The following TLK1 variants were observed in gnomAD, a reference collection of about 807,000 sequenced individuals.
TLK1 encodes tousled like kinase 1, also known as serine/threonine-protein kinase tousled-like 1.
A neutral mutation model predicts 105.3 loss-of-function variants in TLK1; 24 were observed. The observed-to-expected ratio is 0.23, with a 90% CI of 0.17 to 0.32. The LOEUF (loss-of-function observed/expected upper bound fraction) is 0.32. TLK1 is among the 10% of genes least tolerant of loss of function. TLK1 has a pLI of 1.00. For missense variants in TLK1, 558 were observed against 910.5 expected (o/e 0.61, Z 4.98); for synonymous variants, 321 against 310.4 (o/e 1.03, Z -0.36).
At chr2:171,017,683 A>G (rs1168881763) in intron 12 of TLK1, among the ~76,000 whole-genome samples, 7 of 152,228 alleles carry the variant, frequency 4.6e-5, no homozygotes, top group Admixed American at 4.6e-4. Flanking sequence ...CTCTAAAAAC[A>G]TGACAAATAT....
At chr2:171,165,993 A>G (rs1692602716) in intron 1 of TLK1, among the ~76,000 whole-genome samples, 1 of 151,864 alleles carries the variant, frequency 6.6e-6, no homozygotes, top group Non-Finnish European at 1.5e-5. Flanking sequence ...GCCTGTTCAT[A>G]ATGTCCTGGG....
chr2:171,156,265 C>A (rs1692229268), intron 1 of TLK1, among the ~76,000 whole-genome samples: 1 of 152,110 alleles, frequency 6.6e-6, no homozygotes, highest in Admixed American at 6.6e-5. Context: ...CCAAGTAAGC[C>A]AGAAATCAAG....
intron 12 of TLK1, among the ~76,000 whole-genome samples, chr2:171,020,479 G>T (rs557322570): frequency 6.6e-6 from 1 of 151,608 alleles, no homozygotes; most frequent in Non-Finnish European, 1.5e-5. Context: ...GTCGGAGGTT[G>T]CAGTGGGCCC....
intron 12 of TLK1, among the ~76,000 whole-genome samples, chr2:171,024,196 C>A (rs888382137): frequency 2.0e-5 from 3 of 152,106 alleles, no homozygotes; most frequent in Admixed American, 6.5e-5. Flanking sequence ...AGTCTCCATA[C>A]ATTTTACTAT....
intron 6 of TLK1, 31 bp from the exon 7 acceptor site, chr2:171,055,203 C>CAAAAAAAA (rs71399594): frequency 5.0e-5 from 26 of 518,282 alleles, no homozygotes; most frequent in Non-Finnish European, 6.0e-5. Flanking sequence ...TTTATATTAG[C>CAAAAAAAA]AAAAAAAAAA....
chr2:171,104,658 T>C (rs150546761), intron 2 of TLK1, among the ~76,000 whole-genome samples: 2 of 151,966 alleles, frequency 1.3e-5, no homozygotes, highest in Non-Finnish European at 2.9e-5. Flanking sequence ...CAAAATACAC[T>C]ACAATGTTCA....
Position 170,993,679 on chromosome 2 carries a change from A to AAG in TLK1, c.*100_*101insCT. The AAG allele has an allele frequency of 2.2e-6, 2 of 921,808 alleles. No individual in the cohort carries two copies. The highest frequency in any genetic ancestry group is 6.5e-5 in the South Asian group (2 of 30,772). 57.1% of individuals were successfully genotyped at this position (921,808 alleles called of 1,614,324 possible). ...AACCACGTCTTGTGTAAAAAAAAAAAAAAAAAAAAAAGAAAAAGAAAACAA... is the reference window on the plus strand; with the variant it reads ...AACCACGTCTTGTGTAAAAAAAAAAAAGAAAAAAAAAAAGAAAAAGAAAACAA... On this transcript the variant is annotated 3_prime_UTR_variant, in exon 21 of 21. Transcript: ENST00000431350.
chr2:171,115,309 T>C (rs1690371779), intron 2 of TLK1, among the ~76,000 whole-genome samples: 1 of 151,826 alleles, frequency 6.6e-6, no homozygotes, highest in Admixed American at 6.6e-5. Flanking sequence ...GTAGCTAGGA[T>C]TACAGGCATG....
At chr2:171,094,630 C>CA (rs2105495106) in intron 2 of TLK1, among the ~76,000 whole-genome samples, 1 of 152,172 alleles carries the variant, frequency 6.6e-6, no homozygotes, top group Non-Finnish European at 1.5e-5. Context: ...TTTTCCGAGA[C>CA]AGAGTTTTGC....
At chr2:171,200,078 CT>C (rs1394777674) in intron 1 of TLK1, among the ~76,000 whole-genome samples, 2 of 152,132 alleles carry the variant, frequency 1.3e-5, no homozygotes, top group Admixed American at 6.6e-5. Flanking sequence ...GTTTTTTCCC[CT>C]GATTAAATCA....
intron 8 of TLK1, among the ~76,000 whole-genome samples, chr2:171,052,056 G>A (rs1453874220): frequency 6.6e-6 from 1 of 152,082 alleles, no homozygotes; most frequent in African/African-American, 2.4e-5. Context: ...GATCACTTGA[G>A]GCCAGGAGTT....
At chr2:171,085,408 A>T (rs1688927801) in intron 2 of TLK1, among the ~76,000 whole-genome samples, 1 of 152,004 alleles carries the variant, frequency 6.6e-6, no homozygotes, top group African/African-American at 2.4e-5. Context: ...AAAAGAAAAA[A>T]AAATGTCTCT....
intron 1 of TLK1, among the ~76,000 whole-genome samples, chr2:171,150,878 T>C (rs900099973): frequency 6.6e-6 from 1 of 152,214 alleles, no homozygotes; most frequent in African/African-American, 2.4e-5. Flanking sequence ...ATGACTAACA[T>C]CCTACCTAAA....
chr2:171,154,883 T>C (rs1027915788), intron 1 of TLK1, among the ~76,000 whole-genome samples: 2 of 152,182 alleles, frequency 1.3e-5, no homozygotes, highest in Non-Finnish European at 2.9e-5. Flanking sequence ...TAATATTAAA[T>C]TGACCCCAAG....
chr2:171,043,719 T>G (rs1686803501), intron 11 of TLK1, among the ~76,000 whole-genome samples: 1 of 152,128 alleles, frequency 6.6e-6, no homozygotes, highest in Non-Finnish European at 1.5e-5. Flanking sequence ...CAGGGTAGAG[T>G]TAAAGCTAAC....
chr2:171,051,991 T>C (rs1339400924), intron 8 of TLK1, among the ~76,000 whole-genome samples: 6 of 152,138 alleles, frequency 3.9e-5, no homozygotes, highest in Non-Finnish European at 8.8e-5. Flanking sequence ...AAAGATCAGC[T>C]GGGCATGGTG....
intron 10 of TLK1, among the ~76,000 whole-genome samples, chr2:171,049,383 AAG>A (rs1458818638): frequency 6.6e-6 from 1 of 152,186 alleles, no homozygotes; most frequent in African/African-American, 2.4e-5. Context: ...TCTGAGGCAA[AAG>A]AGAAGTTTTT....
intron 2 of TLK1, among the ~76,000 whole-genome samples, chr2:171,097,034 G>GT (rs552419272): frequency 4.6e-5 from 7 of 152,092 alleles, no homozygotes; most frequent in Non-Finnish European, 1.0e-4. Context: ...GCAAAACTGA[G>GT]TAAGCACAAA....
At chr2:171,033,615 C>A (rs1189574152) in intron 11 of TLK1, among the ~76,000 whole-genome samples, 2 of 149,114 alleles carry the variant, frequency 1.3e-5, no homozygotes, top group African/African-American at 2.4e-5. Context: ...GTCATGGATA[C>A]CCCATTTACC....
Sources: gnomAD v4.1 joint callset for allele counts (sites outside exome capture counted in the v4.1 genomes callset) on GRCh38, gnomAD v4.1.1 for gene constraint, MANE v1.5 for transcripts, NCBI Gene and HGNC (gene_info 2026-07-23, HGNC 2026-07-21) for gene names.